RABGAP1L: variants seen among roughly 807,000 people sequenced by gnomAD.
RABGAP1L encodes the protein rab GTPase-activating protein 1-like.
In RABGAP1L, 63 loss-of-function variants were observed where a neutral mutation model predicts 137.7. The observed-to-expected ratio is 0.46, with a 90% CI of 0.37 to 0.56. The LOEUF (loss-of-function observed/expected upper bound fraction) is 0.56. Among genes scored for constraint, RABGAP1L ranks in the 20% least tolerant of loss-of-function variants. The pLI is 0.00. For synonymous variants in RABGAP1L, 431 were observed against 433.7 expected (o/e 0.99, Z 0.08); for missense variants, 1,095 against 1,244.0 (o/e 0.88, Z 1.80).
At chr1:174,881,147 C>A (rs1654131392) in intron 19 of RABGAP1L, among the ~76,000 whole-genome samples, 1 of 152,018 alleles carries the variant, frequency 6.6e-6, no homozygotes, top group African/African-American at 2.4e-5. Flanking sequence ...TATAAATGTG[C>A]TTATCAGGAA....
chr1:174,579,651 G>C (rs1423673407), intron 13 of RABGAP1L, among the ~76,000 whole-genome samples: 2 of 152,134 alleles, frequency 1.3e-5, no homozygotes, highest in Non-Finnish European at 2.9e-5. Context: ...AGATCATTTT[G>C]GCAGCAAGAC....
intron 1 of RABGAP1L, among the ~76,000 whole-genome samples, chr1:174,199,238 C>T (rs910145455): frequency 2.0e-5 from 3 of 152,114 alleles, no homozygotes; most frequent in African/African-American, 4.8e-5. Context: ...TTTACTCACT[C>T]GACCAGTAAG....
intron 19 of RABGAP1L, among the ~76,000 whole-genome samples, chr1:174,917,970 G>A (rs990940214): frequency 2.0e-5 from 3 of 150,108 alleles, no homozygotes; most frequent in African/African-American, 4.9e-5. Context: ...ACATGTATAC[G>A]TGTATTGAGT....
At chr1:174,641,252 T>C (rs1674511778) in intron 14 of RABGAP1L, among the ~76,000 whole-genome samples, 1 of 152,000 alleles carries the variant, frequency 6.6e-6, no homozygotes, top group Non-Finnish European at 1.5e-5. Context: ...GGAGAAATGA[T>C]TTGAACTGTC....
chr1:174,797,784 C>G (rs988526460), intron 18 of RABGAP1L, among the ~76,000 whole-genome samples: 2 of 151,576 alleles, frequency 1.3e-5, no homozygotes, highest in East Asian at 3.9e-4. Context: ...GAACCTTTTC[C>G]TTCTTATGGC....
chr1:174,362,767 T>C (rs1219851250), intron 11 of RABGAP1L, among the ~76,000 whole-genome samples: 1 of 152,236 alleles, frequency 6.6e-6, no homozygotes, highest in African/African-American at 2.4e-5. Flanking sequence ...GTTGTTGTTT[T>C]TGCTGTGCCA....
At chr1:174,396,164 G>A (rs1313955301) in intron 13 of RABGAP1L, among the ~76,000 whole-genome samples, 1 of 152,028 alleles carries the variant, frequency 6.6e-6, no homozygotes, top group Non-Finnish European at 1.5e-5. Flanking sequence ...AGGGGTTGGA[G>A]GAAAAAGGAA....
At chr1:174,951,434 T>C (rs1667690505) in intron 19 of RABGAP1L, among the ~76,000 whole-genome samples, 1 of 152,230 alleles carries the variant, frequency 6.6e-6, no homozygotes. Flanking sequence ...TCTAAATTAA[T>C]AGGCTTAAAA....
chr1:174,575,638 G>A (rs776788028), intron 13 of RABGAP1L, among the ~76,000 whole-genome samples: 1 of 152,168 alleles, frequency 6.6e-6, no homozygotes, highest in Admixed American at 6.5e-5. Flanking sequence ...CCTTGTTTGT[G>A]ATGTATAGAG....
intron 19 of RABGAP1L, among the ~76,000 whole-genome samples, chr1:174,905,867 AAG>A (rs1658984418): frequency 6.6e-6 from 1 of 152,120 alleles, no homozygotes; most frequent in Non-Finnish European, 1.5e-5. Flanking sequence ...GAAAAAGAAA[AAG>A]AAAAAAGAAA....
intron 11 of RABGAP1L, among the ~76,000 whole-genome samples, chr1:174,315,162 G>A (rs1055687646): frequency 6.6e-6 from 1 of 152,052 alleles, no homozygotes; most frequent in African/African-American, 2.4e-5. Context: ...ATATCTTGAT[G>A]TTCCAGTGTT....
intron 4 of RABGAP1L, among the ~76,000 whole-genome samples, chr1:174,232,506 G>A (rs974989383): frequency 6.6e-5 from 10 of 150,478 alleles, no homozygotes; most frequent in South Asian, 2.1e-4. Flanking sequence ...AAAAGTGGCC[G>A]GGCGCGGTGG....
chr1:174,547,020 A>G (rs1271495654), intron 13 of RABGAP1L, among the ~76,000 whole-genome samples: 2 of 106,880 alleles, frequency 1.9e-5, no homozygotes, highest in Admixed American at 1.3e-4. Context: ...AAAGAGCGAG[A>G]CTCTGTCTCA....
rs186661700 is a variant in RABGAP1L, at chr1:174,577,159, A to G, written c.1711-60216A>G. On this transcript the variant is annotated intron_variant, in intron 13 of 25. Coordinates refer to ENST00000681986, the MANE Select transcript of RABGAP1L (RefSeq NM_001366446.1). ...ATGATAGCTCCATGATAGCACCATT[A>G]CATTCCAGCCTGGGTGACAGAGTGA... Among the ~76,000 whole-genome samples the G allele has an allele frequency of 1.2e-3, 176 of 151,464 alleles. 1 individual carries two copies. Among genetic ancestry groups the G allele is most frequent in the African/African-American group, 4.2e-3 (172 of 41,270 alleles).
At chr1:174,753,208 G>A (rs1296738453) in intron 18 of RABGAP1L, among the ~76,000 whole-genome samples, 1 of 152,188 alleles carries the variant, frequency 6.6e-6, no homozygotes, top group Non-Finnish European at 1.5e-5. Context: ...GAAGTCCTTA[G>A]TATAGTATCT....
chr1:174,194,002 G>A (rs1450220731), intron 1 of RABGAP1L, among the ~76,000 whole-genome samples: 2 of 152,008 alleles, frequency 1.3e-5, no homozygotes, highest in Non-Finnish European at 2.9e-5. Context: ...ATTAAGGCAC[G>A]GAGAGACCAA....
chr1:174,663,548 C>T (rs1676546994), intron 14 of RABGAP1L, among the ~76,000 whole-genome samples: 1 of 152,110 alleles, frequency 6.6e-6, no homozygotes, highest in Non-Finnish European at 1.5e-5. Flanking sequence ...TTTCTTAGAA[C>T]GTATTCCTGT....
Position 174,394,110 on chromosome 1 carries a change from G to C in RABGAP1L, c.1675G>C (p.Ala559Pro). 1 of 1,613,820 alleles carries C rather than the reference G, an allele frequency of 6.2e-7. No homozygotes were observed. Among genetic ancestry groups the C allele is most frequent in the Non-Finnish European group, 8.5e-7 (1 of 1,179,776 alleles). Reference protein sequence around the residue: ...QLLAGCHDNQAMLDRYRILIT... With the variant: ...QLLAGCHDNQPMLDRYRILIT... The stretch of plus-strand genomic sequence containing the variant: ...ATTGGCAGGCTGCCATGACAACCAG[G>C]CAATGCTGGATAGATACCGAATTCT... Residue 559 changes from alanine (A) to proline (P), a missense_variant, in exon 13 of 26, where the codon GCA (alanine) becomes CCA (proline). This residue lies in a region of RABGAP1L where 315 missense variants were observed against 324.8 expected (regional missense o/e 0.97). Coordinates refer to ENST00000681986, the MANE Select transcript of RABGAP1L (RefSeq NM_001366446.1).
At chr1:174,754,611 C>T (rs1684580533) in intron 18 of RABGAP1L, among the ~76,000 whole-genome samples, 1 of 152,080 alleles carries the variant, frequency 6.6e-6, no homozygotes, top group African/African-American at 2.4e-5. Flanking sequence ...AAGTGATCCT[C>T]CCTCCTCAGC....
Sources: allele counts gnomAD v4.1 joint callset (sites outside exome capture counted in the v4.1 genomes callset), GRCh38; gene constraint gnomAD v4.1.1; regional missense constraint gnomAD v4.1.1; transcripts MANE v1.5; gene names NCBI Gene and HGNC (gene_info 2026-07-23, HGNC 2026-07-21).